ACO2: variants seen among roughly 807,000 people sequenced by gnomAD.
ACO2 encodes aconitate hydratase, mitochondrial.
In ACO2, 31 loss-of-function variants were observed where a neutral mutation model predicts 84.5. The ratio of observed to expected loss-of-function variants is 0.37; its 90% CI spans 0.28 to 0.50. The LOEUF is 0.50. ACO2 is among the 20% of genes least tolerant of loss of function. ACO2 has a pLI of 0.97. For missense variants in ACO2, 685 were observed against 1,029.3 expected, an observed-to-expected ratio of 0.67 and a Z score of 4.58; for synonymous variants, 414 against 412.7, an observed-to-expected ratio of 1.00 and a Z score of -0.04.
intron 1 of ACO2, among the ~76,000 whole-genome samples, chr22:41,476,924 GGATCACTT>G (rs1433851212): frequency 6.7e-6 from 1 of 149,778 alleles, no homozygotes; most frequent in East Asian, 2.0e-4. Flanking sequence ...CGAGGTGGGT[GGATCACTT>G]GGGGTCAGGA....
At chr22:41,498,091 C>T (rs1461174106) in intron 1 of ACO2, among the ~76,000 whole-genome samples, 4 of 152,144 alleles carry the variant, frequency 2.6e-5, no homozygotes, top group Admixed American at 6.6e-5. Flanking sequence ...TTGCAGTGAG[C>T]TGAGATCGCT....
chr22:41,475,516 C>T (rs1439916915), intron 1 of ACO2, among the ~76,000 whole-genome samples: 1 of 152,038 alleles, frequency 6.6e-6, no homozygotes, highest in African/African-American at 2.4e-5. Context: ...TTCCCAGCAC[C>T]TGGTTTGGAA....
chr22:41,517,577 G>A lies in ACO2; in HGVS notation c.886G>A (p.Val296Met), dbSNP rs777890868. Residue 296 changes from valine (V) to methionine (M), a missense_variant, in exon 7 of 18, where the codon GTG becomes ATG. This residue lies in a region of ACO2 where 311 missense variants were observed against 441.6 expected (regional missense o/e 0.70). Coordinates refer to ENST00000216254, the MANE Select transcript of ACO2 (RefSeq NM_001098.3). ...TGCAGAAATTGGGGCCACCACTTCC[G>A]TGTTCCCTTACAACCACAGGATGAA... ...MGAEIGATTS[V>M]FPYNHRMKKY... 6.2e-6 allele frequency: 10 copies of A among 1,613,948 alleles called. No homozygotes were observed. The highest frequency in any genetic ancestry group is 1.3e-5 in the African/African-American group (1 of 74,930).
chr22:41,507,118 G>C (rs975590483), intron 2 of ACO2, among the ~76,000 whole-genome samples: 5 of 152,134 alleles, frequency 3.3e-5, no homozygotes, highest in African/African-American at 1.2e-4. Context: ...TCTAGGAGGA[G>C]GAGGAGCTGT....
chr22:41,499,639 G>A, intron 1 of ACO2, 87 bp from the exon 2 acceptor site: 3 of 1,444,840 alleles, frequency 2.1e-6, no homozygotes, highest in East Asian at 4.7e-5. Flanking sequence ...TTTAATTCCT[G>A]GATTTTTTTC....
intron 1 of ACO2, among the ~76,000 whole-genome samples, chr22:41,475,133 T>A (rs1028753260): frequency 6.6e-6 from 1 of 150,988 alleles, no homozygotes; most frequent in Non-Finnish European, 1.5e-5. Flanking sequence ...TTGTAAATGC[T>A]TACCTTTTTT....
chr22:41,511,120 C>T (rs1018754736), intron 3 of ACO2, among the ~76,000 whole-genome samples: 4 of 152,024 alleles, frequency 2.6e-5, no homozygotes, highest in Non-Finnish European at 5.9e-5. Flanking sequence ...ATCTTCCTGC[C>T]TCGGCCTGCA....
intron 1 of ACO2, among the ~76,000 whole-genome samples, chr22:41,485,376 C>T (rs2038139453): frequency 6.6e-6 from 1 of 151,984 alleles, no homozygotes; most frequent in South Asian, 2.1e-4. Flanking sequence ...TCTTAGCTCA[C>T]CACAACCTCT....
At chr22:41,486,255 G>A (rs962882918) in intron 1 of ACO2, among the ~76,000 whole-genome samples, 2 of 152,078 alleles carry the variant, frequency 1.3e-5, no homozygotes, top group Non-Finnish European at 2.9e-5. Flanking sequence ...GAGTGCAAAT[G>A]TGCTGCTAGG....
chr22:41,521,656 T>C (rs2066527518), intron 9 of ACO2: 1 of 152,242 alleles, frequency 6.6e-6, no homozygotes, highest in African/African-American at 2.4e-5. Context: ...TTCGCCCTTA[T>C]TCATTGAAGT....
At chr22:41,512,055 G>A in intron 4 of ACO2, 87 bp downstream of exon 4, 2 of 933,310 alleles carry the variant, frequency 2.1e-6, no homozygotes, top group Non-Finnish European at 3.1e-6. Context: ...TTGAGGCCCA[G>A]GGGGGCTGAG....
intron 2 of ACO2, among the ~76,000 whole-genome samples, chr22:41,505,564 G>A (rs901960748): frequency 4.6e-5 from 7 of 152,150 alleles, no homozygotes; most frequent in Non-Finnish European, 7.3e-5. Flanking sequence ...CTGCCTCTTC[G>A]TGGTCCAGCT....
At chr22:41,518,310 A>G (rs750392085) in intron 7 of ACO2, among the ~76,000 whole-genome samples, 171 bp from the exon 8 acceptor site, 8 of 152,180 alleles carry the variant, frequency 5.3e-5, no homozygotes, top group Non-Finnish European at 1.0e-4. Flanking sequence ...CAGCTCCTGC[A>G]CTAGGGTGTG....
At position 41,528,484 on chromosome 22, in the gene ACO2, G is replaced by A. The variant is rs756738870; in HGVS notation, c.2214G>A (p.Leu738=). 1.2e-6 allele frequency: 2 copies of A among 1,612,068 alleles called. No individual in the cohort carries two copies. Among genetic ancestry groups the A allele is most frequent in the African/African-American group, 1.3e-5 (1 of 74,848 alleles). The change falls in exon 18 of 18, where the codon CTG becomes CTA. Residue 738 remains leucine (L), a synonymous_variant. Coordinates refer to ENST00000216254, the MANE Select transcript of ACO2 (RefSeq NM_001098.3). ...GLKDFTPGKP[L]KCIIKHPNGT... ...CACCCACCTTCTCCTTGCAGCCCCT[G>A]AAGTGCATCATCAAGCACCCCAACG...
intron 4 of ACO2, among the ~76,000 whole-genome samples, chr22:41,514,729 G>A (rs989342580): frequency 4.6e-5 from 7 of 152,242 alleles, no homozygotes; most frequent in Admixed American, 4.6e-4. Flanking sequence ...CCACGGCTGG[G>A]AGGAGCGCCT....
intron 1 of ACO2, among the ~76,000 whole-genome samples, chr22:41,499,346 A>G (rs1412481104): frequency 6.6e-6 from 1 of 152,120 alleles, no homozygotes. Flanking sequence ...CAGCTTAATG[A>G]GCACTTTCAC....
chr22:41,480,041 C>G (rs2038068827), intron 1 of ACO2, among the ~76,000 whole-genome samples: 1 of 152,224 alleles, frequency 6.6e-6, no homozygotes, highest in Non-Finnish European at 1.5e-5. Context: ...AGCAACCAAG[C>G]TAGCTGACTG....
In ACO2 at chr22:41,520,161, G is replaced by GT. The variant is rs2066511528; in HGVS notation, c.1033-7dup. 1.2e-6 allele frequency: 2 copies of GT among 1,608,930 alleles called. No homozygotes were observed. Among genetic ancestry groups the GT allele is most frequent in the Non-Finnish European group, 8.5e-7 (1 of 1,176,036 alleles). The stretch of plus-strand genomic sequence containing the variant: ...CTCTCTTTCTTCTCCTTGCATGTTT[G>GT]TTTCTTCAGCTGAAGCCACACATCA... On this transcript the variant is annotated splice_polypyrimidine_tract_variant and intron_variant, in intron 8 of 17. Transcript: ENST00000216254.
chr22:41,523,717 C>T, intron 11 of ACO2, 113 bp from the exon 12 acceptor site: 1 of 974,580 alleles, frequency 1.0e-6, no homozygotes, highest in Non-Finnish European at 1.6e-6. Context: ...TCTTCATTTT[C>T]CCTCGGTAGG....
Sources: gnomAD v4.1 joint callset for allele counts (sites outside exome capture counted in the v4.1 genomes callset) on GRCh38, gnomAD v4.1.1 for gene constraint, gnomAD v4.1.1 regional missense constraint, MANE v1.5 for transcripts, NCBI Gene and HGNC (gene_info 2026-07-23, HGNC 2026-07-21) for gene names.